Variants in PPP6R2 observed in about 807,000 individuals in gnomAD.
PPP6R2 encodes protein phosphatase 6 regulatory subunit 2.
In PPP6R2, 62 loss-of-function variants were observed where a neutral mutation model predicts 100.2. That is an observed-to-expected ratio of 0.62 (90% CI 0.50 to 0.76). The LOEUF (loss-of-function observed/expected upper bound fraction) is 0.76. Among genes scored for constraint, PPP6R2 ranks in the 30% least tolerant of loss-of-function variants. The pLI is 0.00. For missense variants in PPP6R2, 1,142 were observed against 1,276.3 expected (o/e 0.89, Z 1.60); for synonymous variants, 525 against 514.7 (o/e 1.02, Z -0.27).
chr22:50,425,411 G>A (rs896117508), intron 10 of PPP6R2, among the ~76,000 whole-genome samples: 5 of 152,154 alleles, frequency 3.3e-5, no homozygotes, highest in African/African-American at 1.2e-4. Context: ...TGGAGACTTG[G>A]GTTGCTTCCA....
At chr22:50,360,001 T>C (rs1315761459) in intron 1 of PPP6R2, among the ~76,000 whole-genome samples, 1 of 152,052 alleles carries the variant, frequency 6.6e-6, no homozygotes, top group Admixed American at 6.6e-5. Context: ...TTTCAAAGGA[T>C]ATTTTTGCTT....
Position 50,414,605 on chromosome 22 carries a change from C to T in PPP6R2, c.468C>T (p.His156=). Residue 156 remains histidine, a synonymous_variant, in exon 5 of 24, where the codon CAC becomes CAT. Coordinates refer to ENST00000612753, the MANE Select transcript of PPP6R2 (RefSeq NM_001242898.2). ...AGTTCATCAGCCTGGTGTTGAAGCA[C>T]ATCGGCACCTCAGCGCTTATGGACC... ...KDKFISLVLK[H]IGTSALMDLL... is the part of the protein sequence containing the mutation. The T allele has an allele frequency of 1.2e-6, 2 of 1,614,036 alleles. No homozygotes were observed. The highest frequency in any genetic ancestry group is 2.2e-5 in the South Asian group (2 of 91,076).
chr22:50,398,106 G>A (rs2057385616), intron 3 of PPP6R2, among the ~76,000 whole-genome samples: 1 of 152,082 alleles, frequency 6.6e-6, no homozygotes, highest in African/African-American at 2.4e-5. Flanking sequence ...GCTGAGGTGG[G>A]AGGATCACTT....
In PPP6R2 at chr22:50,385,467, G is replaced by A. The variant is rs932948640; in HGVS notation, c.-16-8426G>A. On this transcript the variant is annotated intron_variant, in intron 2 of 23. Coordinates refer to ENST00000612753, the MANE Select transcript of PPP6R2 (RefSeq NM_001242898.2). ...ACCTGCCTTGGCTTCCCAAAATGCC[G>A]GGATTACAGCATGAGCCACCACCCC... is the stretch of plus-strand genomic sequence containing the variant. Among the ~76,000 whole-genome samples, 6 of 150,892 alleles carry A rather than the reference G, an allele frequency of 4.0e-5. 1 individual carries two copies. The South Asian group carries it at 6.3e-4, about 16-fold the overall frequency.
chr22:50,439,414 C>G (rs1249605301), intron 19 of PPP6R2, among the ~76,000 whole-genome samples: 2 of 152,272 alleles, frequency 1.3e-5, no homozygotes, highest in African/African-American at 4.8e-5. Flanking sequence ...GCAGTGGCAT[C>G]ACCTCCACAC....
Position 50,432,333 on chromosome 22 carries a change from A to G in PPP6R2, c.1400+4A>G. On this transcript the variant is annotated splice_donor_region_variant and intron_variant, in intron 12 of 23. Transcript: ENST00000612753. ...GGGAAGCCAACGACCACACGCAGTA[A>G]GAGCCGCTCGGACGTGGAGGGACCC... is the stretch of plus-strand genomic sequence containing the variant. 1 of 1,548,878 alleles carries G rather than the reference A, an allele frequency of 6.5e-7. No individual in the cohort carries two copies. Among genetic ancestry groups the G allele is most frequent in the Non-Finnish European group, 8.7e-7 (1 of 1,146,794 alleles).
intron 1 of PPP6R2, among the ~76,000 whole-genome samples, chr22:50,361,873 GC>G (rs1183392733): frequency 6.6e-6 from 1 of 152,140 alleles, no homozygotes; most frequent in East Asian, 1.9e-4. Flanking sequence ...TTCTCTCTAG[GC>G]CCCTTGGAGG....
the PPP6R2 span, among the ~76,000 whole-genome samples, chr22:50,337,451 G>A: frequency 7.7e-5 from 11 of 142,046 alleles, no homozygotes; most frequent in Non-Finnish European, 1.5e-4. Flanking sequence ...CGTGTGTGGT[G>A]TGTGTGGTAT....
At chr22:50,435,496 C>T (rs576758288) in intron 13 of PPP6R2, among the ~76,000 whole-genome samples, 15 of 152,176 alleles carry the variant, frequency 9.9e-5, no homozygotes, top group Non-Finnish European at 2.1e-4. Flanking sequence ...TGTGAGATTT[C>T]GTAGCACAAG....
At chr22:50,352,787 C>G (rs541151178) in intron 1 of PPP6R2, among the ~76,000 whole-genome samples, 6 of 151,848 alleles carry the variant, frequency 4.0e-5, no homozygotes, top group Non-Finnish European at 8.8e-5. Flanking sequence ...TTTCTGCAGG[C>G]TAGGCACGGT....
intron 2 of PPP6R2, 77 bp from the exon 3 acceptor site, chr22:50,393,816 C>T: frequency 6.3e-7 from 1 of 1,582,126 alleles, no homozygotes; most frequent in South Asian, 1.2e-5. Context: ...GAAATGACCC[C>T]TTTGGACTTG....
intron 8 of PPP6R2, 56 bp downstream of exon 8, chr22:50,419,518 G>C: frequency 8.1e-7 from 1 of 1,237,224 alleles, no homozygotes; most frequent in Non-Finnish European, 1.2e-6. Flanking sequence ...CAGTGATATG[G>C]CAGCCCACAC....
At chr22:50,354,070 C>T (rs1056884795) in intron 1 of PPP6R2, among the ~76,000 whole-genome samples, 3 of 151,840 alleles carry the variant, frequency 2.0e-5, no homozygotes, top group Non-Finnish European at 4.4e-5. Context: ...TTTTGGAGGC[C>T]GAGGTGGGCG....
At chr22:50,348,391 A>G (rs1367204468) in intron 1 of PPP6R2, among the ~76,000 whole-genome samples, 1 of 152,052 alleles carries the variant, frequency 6.6e-6, no homozygotes, top group Non-Finnish European at 1.5e-5. Flanking sequence ...TTGGAGGTAG[A>G]GCTGTTGGGA....
At chr22:50,382,337 G>A (rs574686030) in intron 2 of PPP6R2, among the ~76,000 whole-genome samples, 29 of 152,196 alleles carry the variant, frequency 1.9e-4, no homozygotes, top group African/African-American at 6.3e-4. Context: ...GGTGGCTCAT[G>A]CCTGTAATCC....
chr22:50,340,210 GTGGTATGTGGTGTGTA>G (rs2042356789), upstream of PPP6R2, among the ~76,000 whole-genome samples: 3 of 141,830 alleles, frequency 2.1e-5, no homozygotes, highest in Admixed American at 7.0e-5. Flanking sequence ...TATGGAGTGT[GTGGTATGTGGTGTGTA>G]TGGTATGTGG....
intron 2 of PPP6R2, chr22:50,393,664 C>G (rs970852297): frequency 1.0e-6 from 1 of 968,528 alleles, no homozygotes; most frequent in Non-Finnish European, 1.2e-6. Flanking sequence ...TTTGTGAGCC[C>G]AACCTGGAGA....
At chr22:50,401,955 C>T (rs1487713726) in intron 3 of PPP6R2, among the ~76,000 whole-genome samples, 1 of 152,140 alleles carries the variant, frequency 6.6e-6, no homozygotes, top group East Asian at 1.9e-4. Context: ...TTTCTAAGAG[C>T]AGTTTCTTAT....
chr22:50,438,556 T>A, intron 18 of PPP6R2, 43 bp from the exon 19 acceptor site: 6 of 1,604,158 alleles, frequency 3.7e-6, no homozygotes, highest in Non-Finnish European at 5.1e-6. Flanking sequence ...ATGTTAGGCG[T>A]CCGTCCTGGG....
Sources: gnomAD v4.1 joint callset for allele counts (sites outside exome capture counted in the v4.1 genomes callset) on GRCh38, gnomAD v4.1.1 for gene constraint, MANE v1.5 for transcripts, NCBI Gene and HGNC (gene_info 2026-07-23, HGNC 2026-07-21) for gene names.